The following HSD17B4 variants were observed in gnomAD, a reference collection of about 807,000 sequenced individuals.
HSD17B4 encodes hydroxysteroid 17-beta dehydrogenase 4.
Under a neutral mutation model 101.0 loss-of-function variants are expected in HSD17B4, and 70 were observed. The ratio of observed to expected loss-of-function variants is 0.69; its 90% CI spans 0.57 to 0.85. The LOEUF is 0.85. HSD17B4 is among the 40% of genes least tolerant of loss of function. The pLI is 0.00. For synonymous variants in HSD17B4, 347 were observed against 297.1 expected (o/e 1.17, Z -1.73); for missense variants, 984 against 892.4 (o/e 1.10, Z -1.31).
At chr5:119,538,729 C>T (rs1754737019) in intron 23 of HSD17B4, among the ~76,000 whole-genome samples, 1 of 152,126 alleles carries the variant, frequency 6.6e-6, no homozygotes, top group Non-Finnish European at 1.5e-5. Flanking sequence ...AGCTTTTACT[C>T]CTTCAATGTC....
intron 14 of HSD17B4, 122 bp downstream of exon 14, chr5:119,502,214 T>C (rs745577216): frequency 2.7e-4 from 195 of 720,910 alleles, no homozygotes; most frequent in Non-Finnish European, 4.7e-4. Flanking sequence ...CAAATTGTTA[T>C]GCACATGTGA....
At chr5:119,536,047 G>GT (rs1239681080) in intron 22 of HSD17B4, 3 of 259,384 alleles carry the variant, frequency 1.2e-5, no homozygotes, top group African/African-American at 6.9e-5. Context: ...AAAATCAACA[G>GT]TAAGATGCCT....
chr5:119,514,027 T>C (rs1752397456), intron 16 of HSD17B4, among the ~76,000 whole-genome samples: 1 of 152,176 alleles, frequency 6.6e-6, no homozygotes, highest in South Asian at 2.1e-4. Context: ...TCGGGACCTA[T>C]AGATTGAAGT....
chr5:119,520,309 C>T (rs910738801), intron 17 of HSD17B4, among the ~76,000 whole-genome samples: 3 of 152,100 alleles, frequency 2.0e-5, no homozygotes, highest in Non-Finnish European at 4.4e-5. Flanking sequence ...GGTCTTAGTG[C>T]TAGCTGTTGG....
chr5:119,470,550 G>A (rs1387608505), intron 2 of HSD17B4, among the ~76,000 whole-genome samples: 1 of 152,206 alleles, frequency 6.6e-6, no homozygotes, highest in East Asian at 1.9e-4. Flanking sequence ...TGGTAATGGC[G>A]ACTCTTGGGT....
chr5:119,477,614 A>G (rs1748711619), intron 7 of HSD17B4, 113 bp downstream of exon 7: 1 of 805,868 alleles, frequency 1.2e-6, no homozygotes, highest in Non-Finnish European at 2.2e-6. Context: ...ATTGAGGAAT[A>G]TGTACAACCT....
intron 20 of HSD17B4, among the ~76,000 whole-genome samples, chr5:119,529,346 A>C (rs1753860212): frequency 6.6e-6 from 1 of 152,216 alleles, no homozygotes; most frequent in African/African-American, 2.4e-5. Flanking sequence ...CATGCTGTGT[A>C]CACTTCCTCT....
chr5:119,507,314 T>C (rs1340569266), intron 15 of HSD17B4, among the ~76,000 whole-genome samples: 2 of 152,206 alleles, frequency 1.3e-5, no homozygotes, highest in East Asian at 3.8e-4. Flanking sequence ...ATTATTCTTA[T>C]AAGTGGTAGT....
At chr5:119,541,834 T>C (rs1755016180) in intron 23 of HSD17B4, 71 bp from the exon 24 acceptor site, 3 of 793,216 alleles carry the variant, frequency 3.8e-6, no homozygotes, top group East Asian at 6.3e-5. Context: ...TGAATAATCT[T>C]AAAAAAAAAA....
intron 8 of HSD17B4, among the ~76,000 whole-genome samples, chr5:119,482,293 G>C (rs1321027895): frequency 6.6e-6 from 1 of 151,862 alleles, no homozygotes; most frequent in Non-Finnish European, 1.5e-5. Context: ...TTGATTTCTA[G>C]CATTTTCTTT....
chr5:119,542,038 C>G lies in HSD17B4; in HGVS notation c.*44C>G, dbSNP rs759929383. ...AATAAAAATGGAATCATTAAATACT[C>G]TCTTCACCCAAATATGCTTGATTAT... On this transcript the variant is annotated 3_prime_UTR_variant, in exon 24 of 24. Coordinates refer to ENST00000510025, the MANE Select transcript of HSD17B4 (RefSeq NM_000414.4). 6.4e-6 allele frequency: 8 copies of G among 1,250,058 alleles called. No individual in the cohort carries two copies. In the South Asian group the frequency reaches 8.5e-5, roughly 13 times the overall value. The allele number at this position is 1,250,058 out of a possible 1,614,324, so 77.4% of individuals were successfully genotyped here. A position where few individuals can be genotyped will look rare whatever the true frequency, so the allele number is the denominator to read the frequency against.
intron 8 of HSD17B4, among the ~76,000 whole-genome samples, chr5:119,480,346 G>A (rs533425291): frequency 6.6e-6 from 1 of 152,160 alleles, no homozygotes; most frequent in Admixed American, 6.5e-5. Context: ...GCATCGGCTG[G>A]CTTGAGAAAT....
chr5:119,503,100 G>GTGTGTA (rs1751329551), intron 14 of HSD17B4, among the ~76,000 whole-genome samples: 1 of 151,628 alleles, frequency 6.6e-6, no homozygotes, highest in African/African-American at 2.4e-5. Context: ...GTGTGTGTGT[G>GTGTGTA]TGTGTGTGTG....
chr5:119,500,980 G>A (rs1194765343), intron 13 of HSD17B4, among the ~76,000 whole-genome samples: 1 of 152,090 alleles, frequency 6.6e-6, no homozygotes, highest in East Asian at 1.9e-4. Context: ...TTTACTGGTG[G>A]ATCAGTTAGC....
chr5:119,510,258 C>T (rs1752051164), intron 16 of HSD17B4, among the ~76,000 whole-genome samples: 1 of 152,004 alleles, frequency 6.6e-6, no homozygotes. Flanking sequence ...TTTGCAGACC[C>T]CAAAAGTTTT....
intron 23 of HSD17B4, among the ~76,000 whole-genome samples, chr5:119,539,172 A>G (rs1011796418): frequency 6.6e-6 from 1 of 152,116 alleles, no homozygotes; most frequent in African/African-American, 2.4e-5. Flanking sequence ...TACAACCTCA[A>G]TAGAAAAAGT....
intron 8 of HSD17B4, among the ~76,000 whole-genome samples, chr5:119,481,987 A>G (rs1270910457): frequency 6.6e-6 from 1 of 151,928 alleles, no homozygotes; most frequent in Admixed American, 6.6e-5. Flanking sequence ...TGATGTATTT[A>G]GGTGGAGATT....
At chr5:119,470,165 G>T (rs757891922) in intron 2 of HSD17B4, among the ~76,000 whole-genome samples, 3 of 152,092 alleles carry the variant, frequency 2.0e-5, no homozygotes, top group Non-Finnish European at 4.4e-5. Flanking sequence ...TCTTCCTGGT[G>T]GCAGCGTCCC....
At chr5:119,487,808 A>C (rs909269991) in intron 8 of HSD17B4, among the ~76,000 whole-genome samples, 1 of 152,152 alleles carries the variant, frequency 6.6e-6, no homozygotes. Flanking sequence ...AATTAGAGGA[A>C]TGTTATGTAT....
Sources: allele counts gnomAD v4.1 joint callset (sites outside exome capture counted in the v4.1 genomes callset), GRCh38; gene constraint gnomAD v4.1.1; transcripts MANE v1.5; gene names NCBI Gene and HGNC (gene_info 2026-07-23, HGNC 2026-07-21).